The following INPP4B variants were observed in gnomAD, a reference collection of about 807,000 sequenced individuals.
The protein encoded by INPP4B is inositol polyphosphate 4-phosphatase type II.
INPP4B carries 55 observed loss-of-function variants against 122.5 expected under a neutral mutation model. That is an observed-to-expected ratio of 0.45 (90% CI 0.36 to 0.56). The LOEUF is 0.56. INPP4B is among the 20% of genes least tolerant of loss of function. The pLI, the probability that INPP4B is intolerant of heterozygous loss-of-function variation, is 0.00. For missense variants in INPP4B, 1,000 were observed against 1,097.7 expected, an observed-to-expected ratio of 0.91 and a Z score of 1.26; for synonymous variants, 403 against 388.7, an observed-to-expected ratio of 1.04 and a Z score of -0.43.
intron 21 of INPP4B, among the ~76,000 whole-genome samples, chr4:142,116,908 C>T (rs1256140217): frequency 6.6e-6 from 1 of 151,900 alleles, no homozygotes; most frequent in Non-Finnish European, 1.5e-5. Context: ...TATTGACAGA[C>T]CGGTAGCGAA....
At chr4:142,526,868 T>G (rs201612832) in intron 2 of INPP4B, among the ~76,000 whole-genome samples, 1 of 151,940 alleles carries the variant, frequency 6.6e-6, no homozygotes, top group Non-Finnish European at 1.5e-5. Flanking sequence ...TTCTCATTTA[T>G]GTAACGTGTT....
At chr4:142,630,315 T>C (rs947225028) in intron 2 of INPP4B, among the ~76,000 whole-genome samples, 2 of 152,160 alleles carry the variant, frequency 1.3e-5, no homozygotes, top group African/African-American at 4.8e-5. Context: ...GGATTTCTGT[T>C]ACTTACAGCC....
At chr4:142,192,874 T>A (rs955987571) in intron 15 of INPP4B, among the ~76,000 whole-genome samples, 6 of 152,190 alleles carry the variant, frequency 3.9e-5, no homozygotes, top group Non-Finnish European at 4.4e-5. Context: ...TTTTCTGCCA[T>A]CACAATGCCA....
intron 1 of INPP4B, among the ~76,000 whole-genome samples, chr4:142,836,735 C>T (rs1191410314): frequency 6.6e-6 from 1 of 151,934 alleles, no homozygotes; most frequent in Non-Finnish European, 1.5e-5. Context: ...CACACACACA[C>T]ACACACACAC....
intron 12 of INPP4B, among the ~76,000 whole-genome samples, chr4:142,228,874 T>A (rs1367455688): frequency 6.6e-6 from 1 of 151,766 alleles, no homozygotes; most frequent in Non-Finnish European, 1.5e-5. Flanking sequence ...TTTGTGTGGA[T>A]ATTTGTAATA....
intron 9 of INPP4B, among the ~76,000 whole-genome samples, chr4:142,283,226 G>A (rs1752003953): frequency 6.6e-6 from 1 of 152,072 alleles, no homozygotes; most frequent in African/African-American, 2.4e-5. Flanking sequence ...ACAATAGGAA[G>A]GGTAGCATTG....
At chr4:142,466,023 T>C (rs1817694039) in intron 2 of INPP4B, among the ~76,000 whole-genome samples, 1 of 152,174 alleles carries the variant, frequency 6.6e-6, no homozygotes, top group Admixed American at 6.5e-5. Context: ...CCTCAGGTAT[T>C]CCTTTATAGC....
At chr4:142,257,155 AC>A (rs1736638914) in intron 11 of INPP4B, among the ~76,000 whole-genome samples, 3 of 151,800 alleles carry the variant, frequency 2.0e-5, no homozygotes, top group South Asian at 2.1e-4. Flanking sequence ...AAATTCAACA[AC>A]CCTTCATGCT....
chr4:142,654,367 T>TAAAAAAAAAAA (rs10677341), intron 2 of INPP4B: 148 of 100,804 alleles, frequency 1.5e-3, no homozygotes, highest in Non-Finnish European at 1.7e-3. Context: ...ACTTAAAGTA[T>TAAAAAAAAAAA]AAAAAAAAAA....
chr4:142,721,806 G>C (rs1009243665), intron 2 of INPP4B, among the ~76,000 whole-genome samples: 2 of 152,176 alleles, frequency 1.3e-5, no homozygotes, highest in Non-Finnish European at 2.9e-5. Context: ...GGGTGACAGA[G>C]AGAGACTCCG....
At chr4:142,595,831 C>A (rs2150271097) in intron 2 of INPP4B, among the ~76,000 whole-genome samples, 1 of 152,146 alleles carries the variant, frequency 6.6e-6, no homozygotes, top group East Asian at 1.9e-4. Context: ...TTATGAAAAG[C>A]CAAGGTAGAT....
At chr4:142,682,744 T>C (rs527644534) in intron 2 of INPP4B, among the ~76,000 whole-genome samples, 3 of 152,022 alleles carry the variant, frequency 2.0e-5, no homozygotes, top group African/African-American at 7.2e-5. Context: ...AGAAAGGCAA[T>C]GAATTGATAT....
In INPP4B at chr4:142,251,122, T is replaced by C. The variant is rs1440035078; in HGVS notation, c.688+9370A>G. Among the ~76,000 whole-genome samples, 3 of 152,184 alleles carry C rather than the reference T, an allele frequency of 2.0e-5. No individual in the cohort carries two copies. The East Asian group carries it at 5.8e-4, about 29-fold the overall frequency. On this transcript the variant is annotated intron_variant, in intron 11 of 25. Transcript: ENST00000262992. Reference sequence around the variant, plus strand: ...TCTGTGTCTCTTCTTCCATAAGTAATATGTTTGCTTGATTTTAAAGTAATG... The same window carrying C: ...TCTGTGTCTCTTCTTCCATAAGTAACATGTTTGCTTGATTTTAAAGTAATG...
intron 1 of INPP4B, among the ~76,000 whole-genome samples, chr4:142,793,353 T>C (rs959444813): frequency 3.3e-5 from 5 of 152,094 alleles, no homozygotes; most frequent in African/African-American, 4.8e-5. Flanking sequence ...TATGGACCAA[T>C]ATTTACCCAC....
intron 23 of INPP4B, among the ~76,000 whole-genome samples, chr4:142,098,956 T>C (rs1294318089): frequency 6.6e-6 from 1 of 151,988 alleles, no homozygotes; most frequent in Non-Finnish European, 1.5e-5. Context: ...TAATGAGGAA[T>C]AGAGATTTAA....
chr4:142,458,347 G>A (rs1372115099), intron 3 of INPP4B, among the ~76,000 whole-genome samples: 1 of 152,100 alleles, frequency 6.6e-6, no homozygotes, highest in Non-Finnish European at 1.5e-5. Flanking sequence ...TGCCTTGATT[G>A]TAGTGGTGGC....
chr4:142,156,819 C>T (rs528709009), intron 17 of INPP4B, among the ~76,000 whole-genome samples: 7 of 151,990 alleles, frequency 4.6e-5, no homozygotes, highest in Non-Finnish European at 8.8e-5. Context: ...CTGCATCAGC[C>T]GGGTAGGATT....
intron 5 of INPP4B, among the ~76,000 whole-genome samples, chr4:142,413,598 T>C (rs1322344299): frequency 6.6e-6 from 1 of 152,138 alleles, no homozygotes; most frequent in Non-Finnish European, 1.5e-5. Flanking sequence ...GAAGCATAAT[T>C]TGCTAAATGC....
intron 25 of INPP4B, among the ~76,000 whole-genome samples, chr4:142,062,881 CAACAGA>C (rs914897115): frequency 1.3e-5 from 2 of 152,144 alleles, no homozygotes; most frequent in African/African-American, 4.8e-5. Flanking sequence ...AACACTGATC[CAACAGA>C]AACACATATG....
Sources: allele counts gnomAD v4.1 joint callset (sites outside exome capture counted in the v4.1 genomes callset), GRCh38; gene constraint gnomAD v4.1.1; transcripts MANE v1.5; gene names NCBI Gene and HGNC (gene_info 2026-07-23, HGNC 2026-07-21).